Variants in FAM120B observed in about 807,000 individuals in gnomAD.
The protein encoded by FAM120B is constitutive coactivator of peroxisome proliferator-activated receptor gamma.
In FAM120B, 83 loss-of-function variants were observed where a neutral mutation model predicts 96.3. That is an observed-to-expected ratio of 0.86 (90% CI 0.72 to 1.03). The LOEUF (loss-of-function observed/expected upper bound fraction) is 1.03, where lower values mean the gene tolerates loss of function less well. FAM120B is among the 50% of genes least tolerant of loss of function. The pLI is 0.00. For synonymous variants in FAM120B, 407 were observed against 402.7 expected, an observed-to-expected ratio of 1.01 and a Z score of -0.13; for missense variants, 1,027 against 1,121.2, an observed-to-expected ratio of 0.92 and a Z score of 1.20.
At chr6:170,330,195 T>C (rs1215738253) in intron 3 of FAM120B, among the ~76,000 whole-genome samples, 2 of 152,220 alleles carry the variant, frequency 1.3e-5, no homozygotes, top group African/African-American at 4.8e-5. Context: ...CTCTCTCCCA[T>C]ATTATTGTTT....
intron 1 of FAM120B, among the ~76,000 whole-genome samples, chr6:170,298,939 C>G (rs1282426561): frequency 2.6e-5 from 4 of 152,194 alleles, no homozygotes; most frequent in African/African-American, 4.8e-5. Flanking sequence ...GCAAGACATG[C>G]AGGAAGTAGA....
In FAM120B at chr6:170,404,743, A is replaced by G; in HGVS notation, c.*12-20A>G. The stretch of plus-strand genomic sequence containing the variant: ...TGGTGCCGAGTTAACTTGGTTTCAA[A>G]ACACTCTTGCTTCCTCCAGAAAGAG... On this transcript the variant is annotated intron_variant, in intron 10 of 10. Transcript: ENST00000476287. 1.5e-6 allele frequency: 1 copy of G among 677,582 alleles called. No individual in the cohort carries two copies. Among genetic ancestry groups the G allele is most frequent in the Non-Finnish European group, 2.6e-6 (1 of 389,048 alleles). The allele number at this position is 677,582 out of a possible 1,614,324, so 42.0% of individuals were successfully genotyped here. A position where few individuals can be genotyped will look rare whatever the true frequency, so the allele number is the denominator to read the frequency against.
At chr6:170,323,290 G>T (rs1350071464) in intron 3 of FAM120B, 31 bp downstream of exon 3, 1 of 1,575,900 alleles carries the variant, frequency 6.3e-7, no homozygotes, top group South Asian at 1.2e-5. Flanking sequence ...CTTAGTAAAG[G>T]TTCTATTTGG....
intron 4 of FAM120B, among the ~76,000 whole-genome samples, chr6:170,332,897 G>A (rs1194092446): frequency 6.6e-6 from 1 of 151,950 alleles, no homozygotes; most frequent in South Asian, 2.1e-4. Context: ...CAATATAGTG[G>A]CCCATGTTCT....
chr6:170,290,841 G>A (rs1783846622), upstream of FAM120B: 4 of 637,248 alleles, frequency 6.3e-6, no homozygotes, highest in South Asian at 1.8e-5. The surrounding 1 kb of genome is among the most constrained non-coding windows in gnomAD (Gnocchi z 4.7). Context: ...CCGGGCCGTG[G>A]GAGGAGGCTC....
intron 9 of FAM120B, among the ~76,000 whole-genome samples, chr6:170,396,589 G>A (rs924953902): frequency 2.0e-5 from 3 of 152,144 alleles, no homozygotes; most frequent in Non-Finnish European, 2.9e-5. Context: ...CAACCCCACC[G>A]AGTCGTGCAG....
At chr6:170,309,734 T>G (rs1388937587) in intron 1 of FAM120B, among the ~76,000 whole-genome samples, 1 of 152,236 alleles carries the variant, frequency 6.6e-6, no homozygotes, top group Non-Finnish European at 1.5e-5. Flanking sequence ...CTAACTATGA[T>G]AAGAGCATAT....
chr6:170,315,837 T>C (rs963074135), intron 1 of FAM120B, among the ~76,000 whole-genome samples: 2 of 151,880 alleles, frequency 1.3e-5, no homozygotes, highest in Non-Finnish European at 2.9e-5. Flanking sequence ...ATCCCAGCAC[T>C]TTGGGAGGCT....
intron 9 of FAM120B, among the ~76,000 whole-genome samples, chr6:170,398,001 C>A (rs994715374): frequency 6.6e-6 from 1 of 152,208 alleles, no homozygotes; most frequent in Non-Finnish European, 1.5e-5. Context: ...TGCCCCCTTT[C>A]TTCCCCCTGG....
upstream of FAM120B, among the ~76,000 whole-genome samples, chr6:170,291,645 G>A (rs1355111643): frequency 6.6e-6 from 1 of 152,208 alleles, no homozygotes; most frequent in South Asian, 2.1e-4. Context: ...CCGAGGCGGG[G>A]ACACCTCCTG....
At chr6:170,297,352 G>A (rs1351663847) in intron 1 of FAM120B, among the ~76,000 whole-genome samples, 1 of 152,238 alleles carries the variant, frequency 6.6e-6, no homozygotes, top group East Asian at 1.9e-4. Flanking sequence ...ATCTGCCGGG[G>A]AGAACAGATG....
intron 6 of FAM120B, among the ~76,000 whole-genome samples, chr6:170,368,821 G>GGT (rs1004039036): frequency 1.2e-3 from 25 of 20,346 alleles, no homozygotes; most frequent in African/African-American, 1.9e-3. Flanking sequence ...TGCCGGGGCT[G>GGT]GGGGGGGGGC....
At chr6:170,306,092 G>A (rs1414247784), upstream of FAM120B, among the ~76,000 whole-genome samples, 1 of 152,176 alleles carries the variant, frequency 6.6e-6, no homozygotes, top group East Asian at 1.9e-4. Context: ...ACCCAATTCC[G>A]GACTAGCAAA....
chr6:170,380,331 T>A (rs568489934), intron 6 of FAM120B, among the ~76,000 whole-genome samples: 1 of 152,340 alleles, frequency 6.6e-6, no homozygotes, highest in African/African-American at 2.4e-5. Context: ...AGGTATCTCA[T>A]CAACATACTG....
intron 8 of FAM120B, among the ~76,000 whole-genome samples, chr6:170,392,228 A>T (rs763844329): frequency 2.0e-5 from 3 of 151,922 alleles, no homozygotes; most frequent in South Asian, 2.1e-4. Flanking sequence ...TTTTTTTGAG[A>T]TGGAGTTTCA....
At chr6:170,331,250 T>A (rs1786015560) in intron 4 of FAM120B, among the ~76,000 whole-genome samples, 1 of 152,222 alleles carries the variant, frequency 6.6e-6, no homozygotes, top group Non-Finnish European at 1.5e-5. Flanking sequence ...CTTCAGAGTT[T>A]ATTTTTAGTG....
At chr6:170,389,238 T>C (rs1790354568) in intron 7 of FAM120B, among the ~76,000 whole-genome samples, 1 of 152,240 alleles carries the variant, frequency 6.6e-6, no homozygotes, top group African/African-American at 2.4e-5. Context: ...ATGTCTCATA[T>C]ACTCCTTATA....
chr6:170,331,136 G>A (rs997540768), intron 4 of FAM120B, among the ~76,000 whole-genome samples: 4 of 152,176 alleles, frequency 2.6e-5, no homozygotes, highest in Non-Finnish European at 5.9e-5. Context: ...TATCCAAAGA[G>A]CAGCCTTTCT....
chr6:170,330,378 TG>T, intron 3 of FAM120B, 70 bp from the exon 4 acceptor site: 2 of 1,214,402 alleles, frequency 1.6e-6, no homozygotes, highest in Non-Finnish European at 2.4e-6. Context: ...TGGGCAGAGC[TG>T]GGTCTGTGAC....
Sources: gnomAD v4.1 joint callset for allele counts (sites outside exome capture counted in the v4.1 genomes callset) on GRCh38, gnomAD v4.1.1 for gene constraint, Gnocchi (gnomAD v3.1) non-coding constraint, MANE v1.5 for transcripts, NCBI Gene and HGNC (gene_info 2026-07-23, HGNC 2026-07-21) for gene names.